Variants in ADGRL4 observed in about 807,000 individuals in gnomAD.
The protein encoded by ADGRL4 is EGF, latrophilin and seven transmembrane domain containing 1.
A neutral mutation model predicts 74.8 loss-of-function variants in ADGRL4; 90 were observed. That is an observed-to-expected ratio of 1.20 (90% CI 1.02 to 1.43). The LOEUF (loss-of-function observed/expected upper bound fraction) is 1.43. ADGRL4 is among the 40% of genes most tolerant of loss of function. The pLI is 0.00. For synonymous variants in ADGRL4, 311 were observed against 279.2 expected, an observed-to-expected ratio of 1.11 and a Z score of -1.14; for missense variants, 881 against 814.3, an observed-to-expected ratio of 1.08 and a Z score of -1.00.
At chr1:78,945,444 A>G (rs1649581973) in intron 3 of ADGRL4, among the ~76,000 whole-genome samples, 1 of 151,934 alleles carries the variant, frequency 6.6e-6, no homozygotes. Context: ...AATATTTTTT[A>G]GAAACCATGC....
At chr1:78,969,560 A>G (rs4387133) in intron 2 of ADGRL4, among the ~76,000 whole-genome samples, 43,882 of 151,984 alleles carry the variant, frequency 0.29, 6,391 homozygotes, top group Middle Eastern at 0.32. Context: ...CTTATTTGAG[A>G]TTCCTTGTGG....
At chr1:78,954,186 G>A (rs1243802119) in intron 2 of ADGRL4, among the ~76,000 whole-genome samples, 4 of 151,362 alleles carry the variant, frequency 2.6e-5, no homozygotes, top group Non-Finnish European at 5.9e-5. Flanking sequence ...TAAATAAATA[G>A]TCTGCACCTA....
intron 12 of ADGRL4, among the ~76,000 whole-genome samples, chr1:78,893,477 A>G (rs1419438562): frequency 1.3e-5 from 2 of 151,956 alleles, no homozygotes; most frequent in Non-Finnish European, 2.9e-5. Flanking sequence ...GGAAAGCTTT[A>G]TAAACACTAA....
intron 12 of ADGRL4, among the ~76,000 whole-genome samples, chr1:78,912,392 G>A (rs887633448): frequency 1.3e-5 from 2 of 151,648 alleles, no homozygotes; most frequent in African/African-American, 4.8e-5. Flanking sequence ...TTTAGACAAG[G>A]GATTCCCAAA....
At chr1:78,904,538 T>A (rs991299919) in intron 12 of ADGRL4, among the ~76,000 whole-genome samples, 1 of 152,004 alleles carries the variant, frequency 6.6e-6, no homozygotes, top group Admixed American at 6.6e-5. Flanking sequence ...AAAGACATTT[T>A]CAAGATATAA....
chr1:78,987,479 C>T (rs953813494), intron 2 of ADGRL4, among the ~76,000 whole-genome samples: 2 of 151,610 alleles, frequency 1.3e-5, no homozygotes, highest in Non-Finnish European at 3.0e-5. Flanking sequence ...AAAATTACCA[C>T]CATTAATTAA....
intron 10 of ADGRL4, among the ~76,000 whole-genome samples, chr1:78,918,930 A>G (rs965764176): frequency 6.6e-6 from 1 of 151,992 alleles, no homozygotes; most frequent in African/African-American, 2.4e-5. Context: ...GACAAATTTA[A>G]TAGGTGAAAA....
At chr1:78,916,999 G>T (rs375819935) in intron 12 of ADGRL4, among the ~76,000 whole-genome samples, 1 of 151,776 alleles carries the variant, frequency 6.6e-6, no homozygotes, top group African/African-American at 2.4e-5. Context: ...CTTCCAATAA[G>T]AATTAAAAGG....
intron 12 of ADGRL4, among the ~76,000 whole-genome samples, 162 bp from the exon 13 acceptor site, chr1:78,893,351 C>T (rs1407357396): frequency 3.3e-5 from 5 of 151,650 alleles, no homozygotes; most frequent in South Asian, 2.1e-4. Flanking sequence ...CAAGTGGTAC[C>T]GAAAGCAACC....
At chr1:78,927,134 A>G in intron 7 of ADGRL4, 43 bp from the exon 8 acceptor site, 2 of 1,319,526 alleles carry the variant, frequency 1.5e-6, no homozygotes, top group African/African-American at 1.5e-5. Context: ...CTTATAAAAC[A>G]AAGTGTATTT....
intron 2 of ADGRL4, among the ~76,000 whole-genome samples, chr1:79,001,081 A>AG (rs1170410929): frequency 1.3e-5 from 2 of 150,968 alleles, no homozygotes; most frequent in Non-Finnish European, 3.0e-5. Flanking sequence ...CCTCCTTTTG[A>AG]GGATTGTAAT....
At chr1:78,992,692 A>G (rs1305649020) in intron 2 of ADGRL4, among the ~76,000 whole-genome samples, 1 of 152,156 alleles carries the variant, frequency 6.6e-6, no homozygotes, top group Non-Finnish European at 1.5e-5. Flanking sequence ...GAATATTTCA[A>G]TAATCTTGCC....
At position 78,910,485 on chromosome 1, in the gene ADGRL4, T is replaced by C. The variant is rs186536760; in HGVS notation, c.1749+7149A>G. 1.3e-3 allele frequency among the ~76,000 whole-genome samples: 197 copies of C among 151,932 alleles called. 1 individual carries two copies. Among genetic ancestry groups the C allele is most frequent in the Non-Finnish European group, 2.2e-4 (15 of 67,820 alleles). ...CCTCACAGTTTTTAAATAAAATACC[T>C]TACTTGGACATAGCTTAATTAGTAT... On this transcript the variant is annotated intron_variant, in intron 12 of 14. Coordinates refer to ENST00000370742, the MANE Select transcript of ADGRL4 (RefSeq NM_022159.4).
chr1:79,005,434 A>C (rs6657156), intron 1 of ADGRL4, among the ~76,000 whole-genome samples: 9,263 of 152,214 alleles, frequency 0.061, 972 homozygotes, highest in African/African-American at 0.21. Flanking sequence ...TTCCAATTTC[A>C]ACCTTTATCA....
At position 78,936,384 on chromosome 1, in the gene ADGRL4, T is replaced by C. The variant is rs139745742; in HGVS notation, c.788A>G (p.Tyr263Cys). 468 of 1,569,402 alleles carry C rather than the reference T, an allele frequency of 3.0e-4. 1 individual carries two copies. The African/African-American group carries it at 5.8e-3, about 19-fold the overall frequency. The change falls in exon 7 of 15, where the codon TAT becomes TGT. Residue 263 changes from tyrosine to cysteine, a missense_variant. Coordinates refer to ENST00000370742, the MANE Select transcript of ADGRL4 (RefSeq NM_022159.4). ...ATGAGGATGAATATGTTTCATGTTA[T>C]ATGAATCAAAAAAGAAAACTTTGAG... ...IALKVFFFDS[Y>C]NMKHIHPHMN...
At chr1:78,892,280 T>G in intron 13 of ADGRL4, among the ~76,000 whole-genome samples, 1 of 152,280 alleles carries the variant, frequency 6.6e-6, no homozygotes, top group Non-Finnish European at 1.5e-5. Context: ...ACTGTTTTCT[T>G]AAAAATTAAA....
chr1:78,920,190 G>A lies in ADGRL4; in HGVS notation c.1454C>T (p.Thr485Ile), dbSNP rs763651120. 1 of 1,609,770 alleles carries A rather than the reference G, an allele frequency of 6.2e-7. No individual in the cohort carries two copies. Among genetic ancestry groups the A allele is most frequent in the Non-Finnish European group, 8.5e-7 (1 of 1,177,602 alleles). The change falls in exon 10 of 15, where the codon ACT (threonine) becomes ATT (isoleucine). Residue 485 changes from threonine to isoleucine, a missense_variant. Thr to Ile is a moderately conservative substitution (Grantham distance 89, BLOSUM62 -1). Coordinates refer to ENST00000370742, the MANE Select transcript of ADGRL4 (RefSeq NM_022159.4). ...LVFLVGINTNTNKLFCSIIAG... is the reference protein window; with the variant it reads ...LVFLVGINTNINKLFCSIIAG... ...ATTAGGATGCCTACATACCTTATTA[G>A]TATTTGTATTGATCCCAACAAGAAA... is the stretch of plus-strand genomic sequence containing the variant.
chr1:78,966,349 C>T (rs1650056126), intron 2 of ADGRL4, among the ~76,000 whole-genome samples: 1 of 151,940 alleles, frequency 6.6e-6, no homozygotes, highest in Non-Finnish European at 1.5e-5. Flanking sequence ...TTATTCTCAA[C>T]CTTCAAAGTG....
chr1:78,989,234 T>C (rs2100732774), intron 2 of ADGRL4, among the ~76,000 whole-genome samples: 1 of 151,860 alleles, frequency 6.6e-6, no homozygotes, highest in African/African-American at 2.4e-5. Context: ...TCTATTTTTG[T>C]ATTGTACTTT....
Sources: allele counts gnomAD v4.1 joint callset (sites outside exome capture counted in the v4.1 genomes callset), GRCh38; gene constraint gnomAD v4.1.1; transcripts MANE v1.5; gene names NCBI Gene and HGNC (gene_info 2026-07-23, HGNC 2026-07-21).